Variants in CASR observed in about 807,000 individuals in gnomAD.
CASR encodes extracellular calcium-sensing receptor.
A neutral mutation model predicts 69.1 loss-of-function variants in CASR; 23 were observed. The observed-to-expected ratio is 0.33, with a 90% CI of 0.24 to 0.47. CASR has a LOEUF of 0.47. Among genes scored for constraint, CASR ranks in the 20% least tolerant of loss-of-function variants. CASR has a pLI of 1.00. For missense variants in CASR, 924 were observed against 1,356.1 expected, an observed-to-expected ratio of 0.68 and a Z score of 5.00; for synonymous variants, 541 against 544.7, an observed-to-expected ratio of 0.99 and a Z score of 0.10.
At chr3:122,230,048 T>G (rs2074264432) in intron 1 of CASR, among the ~76,000 whole-genome samples, 1 of 152,230 alleles carries the variant, frequency 6.6e-6, no homozygotes, top group Non-Finnish European at 1.5e-5. Flanking sequence ...GTACTAAACA[T>G]ATTCTGAGAT....
At chr3:122,230,470 T>C (rs2074268443) in intron 1 of CASR, among the ~76,000 whole-genome samples, 1 of 152,208 alleles carries the variant, frequency 6.6e-6, no homozygotes, top group Non-Finnish European at 1.5e-5. Context: ...GCGGGGATGC[T>C]GCTGACCGTG....
chr3:122,265,800 C>G (rs752123281), intron 4 of CASR, among the ~76,000 whole-genome samples: 2 of 152,162 alleles, frequency 1.3e-5, no homozygotes, highest in Non-Finnish European at 2.9e-5. Context: ...CTCTCCTGCA[C>G]CTCACACCAA....
intron 1 of CASR, among the ~76,000 whole-genome samples, chr3:122,187,930 C>G (rs1287161960): frequency 6.6e-6 from 1 of 152,128 alleles, no homozygotes; most frequent in African/African-American, 2.4e-5. Flanking sequence ...AGCTGTGGGA[C>G]CTCAGTTAAG....
In CASR at chr3:122,257,359, A is replaced by G. The variant is rs1427023762; in HGVS notation, c.464A>G (p.Asn155Ser). The change falls in exon 3 of 7, where the codon AAT becomes AGT. Residue 155 changes from asparagine to serine, a missense_variant. Asn to Ser is a conservative substitution (Grantham distance 46, BLOSUM62 1). This residue lies in a region of CASR where 141 missense variants were observed against 283.0 expected (regional missense o/e 0.50). Coordinates refer to ENST00000639785, the MANE Select transcript of CASR (RefSeq NM_000388.4). ...TCAGGCGTCTCCACGGCAGTGGCAA[A>G]TCTGCTGGGGCTCTTCTACATTCCC... ...TGSGVSTAVA[N>S]LLGLFYIPQV... 6.2e-7 allele frequency: 1 copy of G among 1,614,036 alleles called. No homozygotes were observed. Among genetic ancestry groups the G allele is most frequent in the Admixed American group, 1.7e-5 (1 of 60,024 alleles).
intron 4 of CASR, among the ~76,000 whole-genome samples, chr3:122,275,324 C>CTG (rs1275153119): frequency 6.6e-6 from 1 of 152,250 alleles, no homozygotes; most frequent in African/African-American, 2.4e-5. Flanking sequence ...TCACCCCACT[C>CTG]TGTGAATCTT....
chr3:122,201,182 A>G, intron 1 of CASR, among the ~76,000 whole-genome samples: 1 of 151,978 alleles, frequency 6.6e-6, no homozygotes. Context: ...GGTACTTGAG[A>G]TTAGGGAGTG....
At chr3:122,189,026 T>A (rs924368135) in intron 1 of CASR, among the ~76,000 whole-genome samples, 1 of 152,226 alleles carries the variant, frequency 6.6e-6, no homozygotes, top group Non-Finnish European at 1.5e-5. Flanking sequence ...TGATTAAGGG[T>A]GTGCTTTTGG....
rs576026370 is a variant in CASR at position 122,215,536 on chromosome 3, A to G, written c.-243+31724A>G. ...ACGGAGATCTCAAATCATGCAGAAA[A>G]GAACACAAATTTAAAGGTTTTTTTA... On this transcript the variant is annotated intron_variant, in intron 1 of 6. Coordinates refer to ENST00000639785, the MANE Select transcript of CASR (RefSeq NM_000388.4). Among the ~76,000 whole-genome samples the G allele has an allele frequency of 5.3e-5, 8 of 152,372 alleles. No homozygotes were observed. In the East Asian group the frequency reaches 1.5e-3, roughly 29 times the overall value.
chr3:122,188,918 T>C (rs1254428354), intron 1 of CASR, among the ~76,000 whole-genome samples: 5 of 152,208 alleles, frequency 3.3e-5, no homozygotes, highest in Non-Finnish European at 1.5e-5. Context: ...TATCCATTCA[T>C]AAGGCAGGAA....
chr3:122,193,147 CT>C (rs966820880), intron 1 of CASR, among the ~76,000 whole-genome samples: 5 of 150,018 alleles, frequency 3.3e-5, no homozygotes, highest in South Asian at 2.1e-4. Context: ...AATCTTCGAC[CT>C]TTTTTTTTCA....
At chr3:122,252,354 AGAAAGAAAGAAG>A (rs1462385081) in intron 1 of CASR, among the ~76,000 whole-genome samples, 5 of 59,670 alleles carry the variant, frequency 8.4e-5, no homozygotes, top group African/African-American at 3.7e-4. Context: ...GAAGAAAGAA[AGAAAGAAAGAAG>A]GAAGGAAGGA....
intron 5 of CASR, among the ~76,000 whole-genome samples, chr3:122,278,173 C>CA (rs2074845300): frequency 7.3e-6 from 1 of 136,492 alleles, no homozygotes; most frequent in African/African-American, 2.7e-5. Flanking sequence ...TAAACTGAAT[C>CA]ATACTACTAA....
At chr3:122,242,987 C>T (rs1339394542) in intron 1 of CASR, among the ~76,000 whole-genome samples, 3 of 152,140 alleles carry the variant, frequency 2.0e-5, no homozygotes, top group African/African-American at 4.8e-5. Flanking sequence ...AAGAATGAAA[C>T]TAGACCTCTG....
intron 4 of CASR, among the ~76,000 whole-genome samples, chr3:122,266,467 TCA>T (rs2074695575): frequency 1.3e-5 from 2 of 151,898 alleles, no homozygotes; most frequent in African/African-American, 4.8e-5. Context: ...TCTTGCTCTG[TCA>T]CCCAGGCTGG....
In CASR at chr3:122,287,762, C is replaced by G. The variant is rs9844040; in HGVS notation, c.*2571C>G. 53,853 of 152,106 alleles carry G rather than the reference C, an allele frequency of 0.35. 10,517 individuals are homozygous for G. Among genetic ancestry groups the G allele is most frequent in the African/African-American group, 0.52 (21,465 of 41,454 alleles). 9.4% of individuals were successfully genotyped at this position (152,106 alleles called of 1,614,324 possible). A position where few individuals can be genotyped will look rare whatever the true frequency, so the allele number is the denominator to read the frequency against. On this transcript the variant is annotated 3_prime_UTR_variant, in exon 7 of 7. Transcript: ENST00000639785. ...CGCATGCCTCACTGTCCTAACCAGT[C>G]GGTCCCTGTGGGGCCTGCTAGCTCT...
intron 1 of CASR, among the ~76,000 whole-genome samples, chr3:122,240,987 A>G (rs182196820): frequency 1.2e-4 from 19 of 152,292 alleles, no homozygotes; most frequent in African/African-American, 4.6e-4. Context: ...GAAGCAAATG[A>G]TAATAGAAAC....
At chr3:122,213,531 G>A (rs1005774676) in intron 1 of CASR, among the ~76,000 whole-genome samples, 1 of 152,024 alleles carries the variant, frequency 6.6e-6, no homozygotes, top group African/African-American at 2.4e-5. Context: ...GGCTCGTTTG[G>A]GTCCTCTCTC....
chr3:122,233,744 A>G (rs781203771), intron 1 of CASR, among the ~76,000 whole-genome samples: 38 of 152,182 alleles, frequency 2.5e-4, no homozygotes, highest in Non-Finnish European at 5.0e-4. Flanking sequence ...CCTTAAAGCC[A>G]TCTTCACAGG....
At chr3:122,240,225 A>G (rs2074367496) in intron 1 of CASR, among the ~76,000 whole-genome samples, 1 of 152,242 alleles carries the variant, frequency 6.6e-6, no homozygotes, top group South Asian at 2.1e-4. Context: ...GCCAGGAGAG[A>G]GTGCCATGAC....
Sources: gnomAD v4.1 joint callset for allele counts (sites outside exome capture counted in the v4.1 genomes callset) on GRCh38, gnomAD v4.1.1 for gene constraint, gnomAD v4.1.1 regional missense constraint, MANE v1.5 for transcripts, NCBI Gene and HGNC (gene_info 2026-07-23, HGNC 2026-07-21) for gene names.